The following NKD1 variants were observed in gnomAD, a reference collection of about 807,000 sequenced individuals.
NKD1 encodes protein naked cuticle homolog 1.
NKD1 carries 21 observed loss-of-function variants against 56.0 expected under a neutral mutation model. The ratio of observed to expected loss-of-function variants is 0.38; its 90% CI spans 0.27 to 0.54. NKD1 has a LOEUF of 0.54. Ranked by LOEUF, NKD1 falls within the 20% of genes least tolerant of loss-of-function variation. NKD1 has a pLI of 0.82. For missense variants in NKD1, 578 were observed against 642.7 expected, an observed-to-expected ratio of 0.90 and a Z score of 1.09; for synonymous variants, 263 against 265.7, an observed-to-expected ratio of 0.99 and a Z score of 0.10.
chr16:50,599,739 C>G (rs940545809), intron 3 of NKD1, among the ~76,000 whole-genome samples: 2 of 152,166 alleles, frequency 1.3e-5, no homozygotes, highest in South Asian at 2.1e-4. Flanking sequence ...AAATTGTGGT[C>G]AGACAAACAG....
intron 3 of NKD1, among the ~76,000 whole-genome samples, chr16:50,591,384 C>T (rs937388385): frequency 6.6e-6 from 1 of 152,220 alleles, no homozygotes; most frequent in Admixed American, 6.5e-5. Flanking sequence ...CTTTCCTTCT[C>T]CTCAAAATAC....
chr16:50,626,591 GAC>G (rs1962220983), intron 6 of NKD1, among the ~76,000 whole-genome samples: 1 of 152,240 alleles, frequency 6.6e-6, no homozygotes, highest in Admixed American at 6.5e-5. Context: ...CAGCAGAAGA[GAC>G]ACAGATGTGG....
intron 3 of NKD1, among the ~76,000 whole-genome samples, chr16:50,554,534 C>T (rs1960458924): frequency 6.6e-6 from 1 of 152,204 alleles, no homozygotes; most frequent in Admixed American, 6.5e-5. Context: ...TCCATCTTTT[C>T]CCAGGTCCTT....
intron 3 of NKD1, among the ~76,000 whole-genome samples, chr16:50,601,428 A>G (rs1961593730): frequency 6.6e-6 from 1 of 152,188 alleles, no homozygotes; most frequent in Non-Finnish European, 1.5e-5. Flanking sequence ...CCGAACAGAC[A>G]CTTTTTCGAG....
In NKD1 at chr16:50,636,113, A is replaced by G. The variant is rs1482882472; in HGVS notation, c.*2332A>G. ...TTGGCTGGGCTTCGATCTGGTACCC[A>G]TAGCTGGACCAATCATGACATCCCA... On this transcript the variant is annotated 3_prime_UTR_variant, in exon 10 of 10. Transcript: ENST00000268459. 2 of 152,288 alleles carry G rather than the reference A, an allele frequency of 1.3e-5. No individual in the cohort carries two copies. The highest frequency in any genetic ancestry group is 2.9e-5 in the Non-Finnish European group (2 of 68,102). The allele number at this position is 152,288 out of a possible 1,614,324, so 9.4% of individuals were successfully genotyped here.
chr16:50,632,639 A>G lies in NKD1; in HGVS notation c.823+231A>G, dbSNP rs183333400. ...ATAGTATCTAAAGGCTTAGCACCCA[A>G]TGACAAACAACAGTTTTGTGCCCCA... On this transcript the variant is annotated intron_variant, in intron 9 of 9. Transcript: ENST00000268459. The surrounding 1 kb of genome is among the most constrained non-coding windows in gnomAD (Gnocchi z 4.1). Among the ~76,000 whole-genome samples, 1 of 152,346 alleles carries G rather than the reference A, an allele frequency of 6.6e-6. No homozygotes were observed. Among genetic ancestry groups the G allele is most frequent in the East Asian group, 1.9e-4 (1 of 5,186 alleles).
At chr16:50,548,847 C>T in intron 2 of NKD1, 98 bp downstream of exon 2, 1 of 1,250,532 alleles carries the variant, frequency 8.0e-7, no homozygotes. Flanking sequence ...ACCAGGGCCA[C>T]CCCGAAGCCC....
intron 3 of NKD1, among the ~76,000 whole-genome samples, chr16:50,560,996 A>G (rs1201074438): frequency 6.6e-6 from 1 of 152,092 alleles, no homozygotes; most frequent in Non-Finnish European, 1.5e-5. Context: ...TCTACTTCTC[A>G]CTAGCAGTGT....
rs557254386 is a variant in NKD1 at position 50,633,893 on chromosome 16, T to A, written c.*112T>A. ...TATGATGATTATTGTTATTAATAAT[T>A]ATTGTTACTCCACTAATATTTAGCT... is the stretch of plus-strand genomic sequence containing the variant. On this transcript the variant is annotated 3_prime_UTR_variant, in exon 10 of 10. Coordinates refer to ENST00000268459, the MANE Select transcript of NKD1 (RefSeq NM_033119.5). This position sits in a 1 kb window ranked among gnomAD's most constrained non-coding sequence, Gnocchi z 4.9. The A allele has an allele frequency of 8.7e-5, 50 of 572,570 alleles. No individual in the cohort carries two copies. Among genetic ancestry groups the A allele is most frequent in the Non-Finnish European group, 1.4e-4 (47 of 332,506 alleles). The allele number at this position is 572,570 out of a possible 1,614,324, so 35.5% of individuals were successfully genotyped here.
chr16:50,630,389 CAG>C, intron 7 of NKD1, 56 bp downstream of exon 7: 4 of 1,591,392 alleles, frequency 2.5e-6, no homozygotes, highest in Non-Finnish European at 3.4e-6. Context: ...CAGGAAGGAA[CAG>C]AGCCTTCCTG....
At chr16:50,628,330 G>A (rs1010612519) in intron 6 of NKD1, among the ~76,000 whole-genome samples, 9 of 152,154 alleles carry the variant, frequency 5.9e-5, no homozygotes, top group South Asian at 2.1e-4. Flanking sequence ...CGCCTCTGTC[G>A]GCCCCCATTA....
intron 3 of NKD1, among the ~76,000 whole-genome samples, chr16:50,597,436 A>G (rs1255433829): frequency 6.6e-6 from 1 of 152,064 alleles, no homozygotes; most frequent in Non-Finnish European, 1.5e-5. Flanking sequence ...GGAAAAAGTT[A>G]TTATTATTTT....
chr16:50,566,820 T>C (rs1960768110), intron 3 of NKD1, among the ~76,000 whole-genome samples: 1 of 152,220 alleles, frequency 6.6e-6, no homozygotes, highest in African/African-American at 2.4e-5. Context: ...CTTTCAAGCT[T>C]CTGACCTCTC....
chr16:50,619,460 G>A (rs1962037958), intron 4 of NKD1, among the ~76,000 whole-genome samples: 1 of 152,182 alleles, frequency 6.6e-6, no homozygotes, highest in Admixed American at 6.5e-5. Context: ...TTACAGACAA[G>A]GGGACTGAGG....
chr16:50,575,160 C>T (rs1349662234), intron 3 of NKD1: 2 of 984,934 alleles, frequency 2.0e-6, no homozygotes, highest in African/African-American at 3.5e-5. Context: ...CTACTGCCCT[C>T]CCCCTAGTAA....
intron 3 of NKD1, chr16:50,555,706 G>C (rs777482742): frequency 2.0e-5 from 3 of 152,266 alleles, no homozygotes; most frequent in Non-Finnish European, 4.4e-5. Context: ...GAGCAGGGCT[G>C]TCCGAGACAG....
At chr16:50,570,793 T>G in intron 3 of NKD1, 1 of 985,238 alleles carries the variant, frequency 1.0e-6, no homozygotes, top group Non-Finnish European at 1.2e-6. Flanking sequence ...TGACCATGTC[T>G]ATTAGCCTTG....
chr16:50,614,977 G>A (rs115986665), intron 4 of NKD1, among the ~76,000 whole-genome samples: 1 of 152,264 alleles, frequency 6.6e-6, no homozygotes, highest in Admixed American at 6.5e-5. Flanking sequence ...GACCAGCCAC[G>A]TGGCCTTCAG....
intron 3 of NKD1, among the ~76,000 whole-genome samples, chr16:50,584,145 T>A (rs1002778868): frequency 6.6e-6 from 1 of 152,196 alleles, no homozygotes; most frequent in African/African-American, 2.4e-5. Context: ...TCAAGACAGT[T>A]GGCCACAGCT....
Sources: allele counts gnomAD v4.1 joint callset (sites outside exome capture counted in the v4.1 genomes callset), GRCh38; gene constraint gnomAD v4.1.1; non-coding constraint Gnocchi (gnomAD v3.1); transcripts MANE v1.5; gene names NCBI Gene and HGNC (gene_info 2026-07-23, HGNC 2026-07-21).